ENTPD6: variants seen among roughly 807,000 people sequenced by gnomAD.
ENTPD6 encodes the protein ectonucleoside triphosphate diphosphohydrolase 6, also known as CD39 antigen-like 2.
A neutral mutation model predicts 61.5 loss-of-function variants in ENTPD6; 46 were observed. The observed-to-expected ratio is 0.75, with a 90% CI of 0.59 to 0.96. The LOEUF is 0.96. Among genes scored for constraint, ENTPD6 ranks in the 40% least tolerant of loss-of-function variants. The pLI is 0.00. For missense variants in ENTPD6, 612 were observed against 629.0 expected, an observed-to-expected ratio of 0.97 and a Z score of 0.29; for synonymous variants, 252 against 255.5, an observed-to-expected ratio of 0.99 and a Z score of 0.13.
intron 9 of ENTPD6, among the ~76,000 whole-genome samples, 153 bp from the exon 10 acceptor site, chr20:25,218,397 C>G (rs1030703315): frequency 1.3e-5 from 2 of 152,170 alleles, no homozygotes; most frequent in Non-Finnish European, 2.9e-5. Context: ...TTCCTCAACT[C>G]TACAGAAACA....
intron 10 of ENTPD6, among the ~76,000 whole-genome samples, chr20:25,220,430 G>A (rs907342843): frequency 6.6e-6 from 1 of 151,596 alleles, no homozygotes; most frequent in African/African-American, 2.4e-5. Context: ...CATATGGCTG[G>A]GGCAGCTGTC....
chr20:25,225,865 A>C lies in ENTPD6; in HGVS notation c.*268A>C. 2.5e-6 allele frequency: 1 copy of C among 400,410 alleles called. No individual in the cohort carries two copies. Among genetic ancestry groups the C allele is most frequent in the South Asian group, 4.2e-5 (1 of 23,636 alleles). The allele number at this position is 400,410 out of a possible 1,614,324, so 24.8% of individuals were successfully genotyped here. A position where few individuals can be genotyped will look rare whatever the true frequency, so the allele number is the denominator to read the frequency against. ...GTGGGCAGGACCAGGACAGAACCAC[A>C]GGCACACACTGAGGGGGCAGTGTGG... On this transcript the variant is annotated 3_prime_UTR_variant, in exon 15 of 15. Transcript: ENST00000376652.
At chr20:25,217,989 C>T (rs530286411) in intron 9 of ENTPD6, among the ~76,000 whole-genome samples, 222 of 145,076 alleles carry the variant, frequency 1.5e-3, no homozygotes, top group Non-Finnish European at 1.8e-3. Flanking sequence ...CTCCTCCTCC[C>T]ACCTCCTCTG....
chr20:25,219,475 C>T (rs767718445), intron 10 of ENTPD6, among the ~76,000 whole-genome samples: 6 of 152,228 alleles, frequency 3.9e-5, no homozygotes, highest in Non-Finnish European at 8.8e-5. Context: ...TGGAGTTGAC[C>T]TGGGGACACA....
At chr20:25,218,686 C>T in intron 10 of ENTPD6, 72 bp downstream of exon 10, 1 of 1,443,222 alleles carries the variant, frequency 6.9e-7, no homozygotes, top group Non-Finnish European at 9.3e-7. Context: ...ACGAGGAGCC[C>T]CTCGGGAGGG....
Position 25,209,914 on chromosome 20 carries a change from G to T in ENTPD6, c.442G>T (p.Asp148Tyr). The T allele has an allele frequency of 6.2e-7, 1 of 1,614,048 alleles. No homozygotes were observed. The highest frequency in any genetic ancestry group is 8.5e-7 in the Non-Finnish European group (1 of 1,179,894). ...LKPGLSAYAD[D>Y]VEKSAQGIRE... is the part of the protein sequence containing the mutation. ...GCCAGGTCTTTCTGCCTATGCTGAT[G>T]ATGTTGAAAAGGTAAGGATCCTCTC... Residue 148 changes from aspartate to tyrosine, a missense_variant, in exon 4 of 15, where the codon GAT (aspartate) becomes TAT (tyrosine). Asp to Tyr is a radical substitution (Grantham distance 160). Transcript: ENST00000376652.
chr20:25,227,114 AGTGCTT>A lies in ENTPD6; in HGVS notation c.*1522_*1527del, dbSNP rs1235923997. Reference sequence around the variant, plus strand: ...AAACTGCAGACCAGCCCACATCCCGAGTGCTTGTGCCTGAAGCCCCCCCCAACCAAC... The same window carrying A: ...AAACTGCAGACCAGCCCACATCCCGAGTGCCTGAAGCCCCCCCCAACCAAC... On this transcript the variant is annotated 3_prime_UTR_variant, in exon 15 of 15. Coordinates refer to ENST00000376652, the MANE Select transcript of ENTPD6 (RefSeq NM_001247.5). Among the ~76,000 whole-genome samples, 1 of 152,234 alleles carries A rather than the reference AGTGCTT, an allele frequency of 6.6e-6. No homozygotes were observed. The highest frequency in any genetic ancestry group is 2.4e-5 in the African/African-American group (1 of 41,462).
intron 1 of ENTPD6, among the ~76,000 whole-genome samples, chr20:25,205,380 T>G (rs577765409): frequency 5.9e-5 from 9 of 152,198 alleles, no homozygotes; most frequent in African/African-American, 2.2e-4. Context: ...ACAAGTATTC[T>G]GGGAATGCGT....
At chr20:25,220,303 TG>T (rs2092577399) in intron 10 of ENTPD6, among the ~76,000 whole-genome samples, 3 of 152,170 alleles carry the variant, frequency 2.0e-5, no homozygotes, top group Non-Finnish European at 2.9e-5. Context: ...CAGCTGCATG[TG>T]GCTGTGGCAG....
At chr20:25,222,792 T>C in intron 11 of ENTPD6, 46 bp from the exon 12 acceptor site, 1 of 1,604,538 alleles carries the variant, frequency 6.2e-7, no homozygotes, top group Admixed American at 1.7e-5. Flanking sequence ...CTGTGAGGCC[T>C]GGGTGCTCGG....
intron 4 of ENTPD6, 94 bp downstream of exon 4, chr20:25,210,019 A>G: frequency 8.5e-7 from 1 of 1,170,136 alleles, no homozygotes; most frequent in Non-Finnish European, 1.3e-6. Context: ...TTCACAAAGG[A>G]AGGGGGCTTT....
intron 8 of ENTPD6, 128 bp downstream of exon 8, chr20:25,216,864 C>T: frequency 1.6e-6 from 1 of 636,938 alleles, no homozygotes; most frequent in South Asian, 2.0e-5. Context: ...TCTCTGGACC[C>T]CTGCGGTCAT....
intron 1 of ENTPD6, among the ~76,000 whole-genome samples, chr20:25,200,577 T>C (rs2122487725): frequency 6.6e-6 from 1 of 152,334 alleles, no homozygotes; most frequent in African/African-American, 2.4e-5. Context: ...TTTGTAGGCA[T>C]ACAGTTGTTC....
chr20:25,219,039 G>A (rs1034039217), intron 10 of ENTPD6, among the ~76,000 whole-genome samples: 8 of 152,126 alleles, frequency 5.3e-5, no homozygotes, highest in Admixed American at 3.9e-4. Flanking sequence ...GTACCACCAC[G>A]CCCAGCTAAT....
chr20:25,210,122 C>T (rs532541568), intron 4 of ENTPD6, among the ~76,000 whole-genome samples, 197 bp downstream of exon 4: 121 of 152,330 alleles, frequency 7.9e-4, no homozygotes, highest in Admixed American at 1.6e-3. Context: ...CGCCCCCACC[C>T]GGCCCCATCC....
chr20:25,223,007 A>C, intron 12 of ENTPD6, 29 bp downstream of exon 12: 1 of 1,561,094 alleles, frequency 6.4e-7, no homozygotes, highest in Non-Finnish European at 8.7e-7. Flanking sequence ...GCTGAGCAGG[A>C]AGGTCGGGGC....
rs182435422 is a variant in ENTPD6 at position 25,198,323 on chromosome 20, A to G, written c.-16+2456A>G. Among the ~76,000 whole-genome samples the G allele has an allele frequency of 2.6e-5, 4 of 152,232 alleles. No individual in the cohort carries two copies. In the East Asian group the frequency reaches 7.7e-4, roughly 29 times the overall value. The stretch of plus-strand genomic sequence containing the variant: ...AAATACCGTCTGTACTAAAAATACA[A>G]AAATTAGCTGGGCGTGGTGGTGCAT... On this transcript the variant is annotated intron_variant, in intron 1 of 14. Coordinates refer to ENST00000376652, the MANE Select transcript of ENTPD6 (RefSeq NM_001247.5).
intron 13 of ENTPD6, 39 bp downstream of exon 13, chr20:25,224,196 C>T (rs1437498575): frequency 2.5e-6 from 4 of 1,585,110 alleles, no homozygotes; most frequent in Middle Eastern, 1.7e-4. Context: ...CAGGGGCAGG[C>T]GCCCCGTGAT....
At chr20:25,217,431 G>T in intron 8 of ENTPD6, 71 bp from the exon 9 acceptor site, 1 of 1,417,052 alleles carries the variant, frequency 7.1e-7, no homozygotes, top group South Asian at 1.2e-5. Context: ...TCTTTCAAAT[G>T]AATTCAGTGG....
Sources: gnomAD v4.1 joint callset for allele counts (sites outside exome capture counted in the v4.1 genomes callset) on GRCh38, gnomAD v4.1.1 for gene constraint, MANE v1.5 for transcripts, NCBI Gene and HGNC (gene_info 2026-07-23, HGNC 2026-07-21) for gene names.